TSGA10: variants seen among roughly 807,000 people sequenced by gnomAD.
TSGA10 encodes the protein testis specific 10, also known as testis-specific gene 10 protein.
In TSGA10, 43 loss-of-function variants were observed where a neutral mutation model predicts 96.6. The ratio of observed to expected loss-of-function variants is 0.44; its 90% CI spans 0.35 to 0.57. The LOEUF (loss-of-function observed/expected upper bound fraction) is 0.57. Among genes scored for constraint, TSGA10 ranks in the 20% least tolerant of loss-of-function variants. TSGA10 has a pLI of 0.01. For synonymous variants in TSGA10, 229 were observed against 269.9 expected, an observed-to-expected ratio of 0.85 and a Z score of 1.48; for missense variants, 703 against 834.4, an observed-to-expected ratio of 0.84 and a Z score of 1.94.
chr2:99,014,328 C>T (rs1419880189), intron 20 of TSGA10, among the ~76,000 whole-genome samples: 5 of 152,050 alleles, frequency 3.3e-5, no homozygotes, highest in Non-Finnish European at 7.4e-5. Flanking sequence ...GAGCAAGATT[C>T]CATCTCAAAA....
At chr2:99,081,638 G>C (rs1246999957) in intron 10 of TSGA10, among the ~76,000 whole-genome samples, 1 of 152,116 alleles carries the variant, frequency 6.6e-6, no homozygotes, top group Admixed American at 6.6e-5. Context: ...ACCTTCCTTA[G>C]GTCCCCTAAT....
At chr2:99,092,424 TAATA>T (rs1304413938) in intron 10 of TSGA10, among the ~76,000 whole-genome samples, 1 of 151,520 alleles carries the variant, frequency 6.6e-6, no homozygotes, top group Non-Finnish European at 1.5e-5. Flanking sequence ...AGAAAAGAAA[TAATA>T]AATATCAGAG....
Position 99,046,066 on chromosome 2 carries a change from A to C in TSGA10, c.1405-10627T>G, listed in dbSNP as rs557223463. Among the ~76,000 whole-genome samples the C allele has an allele frequency of 2.5e-3, 377 of 152,154 alleles. 3 individuals are homozygous for C. The highest frequency in any genetic ancestry group is 8.1e-3 in the African/African-American group (335 of 41,530). On this transcript the variant is annotated intron_variant, in intron 16 of 20. Transcript: ENST00000393483. ...TACCCAATACAGGAGCACCCAGATG[A>C]ATAAAGCAAGTCCTTAGAGATCTAC... is the stretch of plus-strand genomic sequence containing the variant.
chr2:99,044,587 G>C (rs761910594), intron 16 of TSGA10, among the ~76,000 whole-genome samples: 78 of 152,088 alleles, frequency 5.1e-4, no homozygotes, highest in Middle Eastern at 3.2e-3. Context: ...AATAGTGGGA[G>C]ATTTTAACAC....
At chr2:99,042,098 A>G (rs1030911783) in intron 16 of TSGA10, among the ~76,000 whole-genome samples, 3 of 144,054 alleles carry the variant, frequency 2.1e-5, no homozygotes, top group Non-Finnish European at 4.5e-5. Context: ...GCTGGAGTGC[A>G]GTGGTACTGT....
At chr2:99,017,679 G>A (rs960672773) in intron 20 of TSGA10, among the ~76,000 whole-genome samples, 1 of 151,108 alleles carries the variant, frequency 6.6e-6, no homozygotes, top group Admixed American at 6.6e-5. Flanking sequence ...GCAGGAGAAT[G>A]GCGTGAACCC....
chr2:99,136,298 C>T (rs2093324721), intron 1 of TSGA10, among the ~76,000 whole-genome samples: 1 of 152,066 alleles, frequency 6.6e-6, no homozygotes, highest in Non-Finnish European at 1.5e-5. Context: ...TATATGTAAA[C>T]TTATAAATAG....
At position 99,105,675 on chromosome 2, in the gene TSGA10, A is replaced by T. The variant is rs1221974615; in HGVS notation, c.233T>A (p.Leu78His). Residue 78 changes from leucine (L) to histidine (H), a missense_variant, in exon 8 of 21, where the codon CTT (leucine) becomes CAT (histidine). By Grantham distance (99) the Leu-to-His change is moderately conservative. Transcript: ENST00000393483. Reference sequence around the variant, plus strand: ...ACAGCTTTTCATCATTTCTCGTCGAAGTCGGGTAATTTCTTCCTGTGCCTA... The same window carrying T: ...ACAGCTTTTCATCATTTCTCGTCGATGTCGGGTAATTTCTTCCTGTGCCTA... ...YEQAQEEITR[L>H]RREMMKSCKS... 1 of 1,591,910 alleles carries T rather than the reference A, an allele frequency of 6.3e-7. No homozygotes were observed. Among genetic ancestry groups the T allele is most frequent in the Admixed American group, 1.7e-5 (1 of 59,698 alleles).
chr2:99,102,727 T>C (rs758464393), intron 10 of TSGA10: 3 of 1,608,948 alleles, frequency 1.9e-6, no homozygotes, highest in Non-Finnish European at 1.7e-6. Flanking sequence ...AAAGACTTTG[T>C]AGAAGATGAT....
intron 15 of TSGA10, among the ~76,000 whole-genome samples, chr2:99,066,773 ATTTCCTGCT>A (rs1377095462): frequency 6.6e-6 from 1 of 151,948 alleles, no homozygotes; most frequent in East Asian, 1.9e-4. Flanking sequence ...GGTATTCTCT[ATTTCCTGCT>A]TTCAGGATCT....
chr2:99,105,165 T>A (rs1304104128), intron 9 of TSGA10, among the ~76,000 whole-genome samples, 194 bp downstream of exon 9: 3 of 151,998 alleles, frequency 2.0e-5, no homozygotes, highest in Non-Finnish European at 4.4e-5. Context: ...CAAAAAACAT[T>A]TACTCACATT....
rs547557900 is a variant in TSGA10, at chr2:99,106,051, T to C, written c.211-354A>G. On this transcript the variant is annotated intron_variant, in intron 7 of 20. Transcript: ENST00000393483. ...AGACAGACTACCGGTTTAATGAATA[T>C]TATCATAGTGTTTCAGTCTTCCTAA... Among the ~76,000 whole-genome samples the C allele has an allele frequency of 6.6e-5, 10 of 152,278 alleles. No homozygotes were observed. The East Asian group carries it at 1.4e-3, about 21-fold the overall frequency.
intron 20 of TSGA10, among the ~76,000 whole-genome samples, chr2:99,013,915 G>A (rs755385572): frequency 1.3e-5 from 2 of 152,038 alleles, no homozygotes; most frequent in Non-Finnish European, 2.9e-5. Flanking sequence ...CACTTTGGGA[G>A]ACTGAGGCAG....
At chr2:99,093,578 A>G (rs1255173457) in intron 10 of TSGA10, among the ~76,000 whole-genome samples, 1 of 152,198 alleles carries the variant, frequency 6.6e-6, no homozygotes, top group Non-Finnish European at 1.5e-5. Context: ...CAATGTACAC[A>G]AATCAGTAGC....
intron 17 of TSGA10, among the ~76,000 whole-genome samples, chr2:99,030,105 G>T (rs1167314112): frequency 2.0e-5 from 3 of 152,202 alleles, no homozygotes; most frequent in Non-Finnish European, 4.4e-5. Flanking sequence ...CCAGCACTTT[G>T]GGAGGCTGAG....
chr2:99,067,303 C>G lies in TSGA10; in HGVS notation c.1218+1585G>C, dbSNP rs1021073418. 2.0e-5 allele frequency among the ~76,000 whole-genome samples: 3 copies of G among 152,206 alleles called. No homozygotes were observed. The South Asian group carries it at 6.2e-4, about 32-fold the overall frequency. Reference sequence around the variant, plus strand: ...TATCAAAATGGATCCGTGGTTCATTCTCTCCGGGCCTGCATCCATCCAGTG... The same window carrying G: ...TATCAAAATGGATCCGTGGTTCATTGTCTCCGGGCCTGCATCCATCCAGTG... On this transcript the variant is annotated intron_variant, in intron 15 of 20. Coordinates refer to ENST00000393483, the MANE Select transcript of TSGA10 (RefSeq NM_025244.4).
intron 12 of TSGA10, among the ~76,000 whole-genome samples, chr2:99,073,364 A>G (rs913800175): frequency 6.6e-6 from 1 of 152,182 alleles, no homozygotes; most frequent in Non-Finnish European, 1.5e-5. Context: ...CCAGCAATAC[A>G]AGAACCCTAT....
chr2:99,051,299 T>C (rs567771047), intron 16 of TSGA10, among the ~76,000 whole-genome samples: 2 of 152,140 alleles, frequency 1.3e-5, no homozygotes, highest in South Asian at 4.1e-4. Flanking sequence ...AGATAAAAAA[T>C]ATATCATGCA....
chr2:99,044,691 C>A (rs1445488709), intron 16 of TSGA10, among the ~76,000 whole-genome samples: 3 of 152,152 alleles, frequency 2.0e-5, no homozygotes, highest in Non-Finnish European at 2.9e-5. Flanking sequence ...ACCAGGCAGA[C>A]AACAGAACTC....
Sources: allele counts gnomAD v4.1 joint callset (sites outside exome capture counted in the v4.1 genomes callset), GRCh38; gene constraint gnomAD v4.1.1; transcripts MANE v1.5; gene names NCBI Gene and HGNC (gene_info 2026-07-23, HGNC 2026-07-21).